SYNJ2BP: variants seen among roughly 807,000 people sequenced by gnomAD.
The protein encoded by SYNJ2BP is synaptojanin-2-binding protein.
SYNJ2BP carries 10 observed loss-of-function variants against 16.9 expected under a neutral mutation model. That is an observed-to-expected ratio of 0.59 (90% CI 0.36 to 1.00). SYNJ2BP has a LOEUF of 1.00. Among genes scored for constraint, SYNJ2BP ranks in the 50% least tolerant of loss-of-function variants. The pLI, the probability that SYNJ2BP is intolerant of heterozygous loss-of-function variation, is 0.01. For synonymous variants in SYNJ2BP, 54 were observed against 68.4 expected (o/e 0.79, Z 1.04); for missense variants, 162 against 186.7 (o/e 0.87, Z 0.77).
intron 1 of SYNJ2BP, among the ~76,000 whole-genome samples, chr14:70,395,481 C>T (rs1188512435): frequency 1.3e-5 from 2 of 150,194 alleles, no homozygotes; most frequent in Admixed American, 6.6e-5. Flanking sequence ...TACACAACCC[C>T]CCTGTCTGTC....
chr14:70,378,403 T>G (rs926306974), intron 2 of SYNJ2BP, among the ~76,000 whole-genome samples: 2 of 151,780 alleles, frequency 1.3e-5, no homozygotes, highest in African/African-American at 4.8e-5. Context: ...TGCTTCTTAT[T>G]GCCACTATCA....
Position 70,367,559 on chromosome 14 carries a change from C to T in SYNJ2BP, c.*5432G>A. ...CCTAGGCGACAGAGCAAGACTCCGT[C>T]TCAAAAAAAAAAAAAAAAAAAAAAA... On this transcript the variant is annotated 3_prime_UTR_variant, in exon 4 of 4. Transcript: ENST00000256366. 1 of 61,182 alleles carries T rather than the reference C, an allele frequency of 1.6e-5. No individual in the cohort carries two copies. The highest frequency in any genetic ancestry group is 9.6e-5 in the African/African-American group (1 of 10,438). 3.8% of individuals were successfully genotyped at this position (61,182 alleles called of 1,614,324 possible). A position where few individuals can be genotyped will look rare whatever the true frequency, so the allele number is the denominator to read the frequency against.
chr14:70,401,427 A>G lies in SYNJ2BP; in HGVS notation c.65-12821T>C, dbSNP rs189633969. 2.2e-3 allele frequency among the ~76,000 whole-genome samples: 337 copies of G among 152,088 alleles called. 1 individual carries two copies. Among genetic ancestry groups the G allele is most frequent in the Admixed American group, 3.7e-3 (57 of 15,268 alleles). ...CCTGGGCAATGTATTTTTTTTTAAT[A>G]AAAGAAAAAAAGCTTAATTAAAAGT... On this transcript the variant is annotated intron_variant, in intron 1 of 3. Coordinates refer to ENST00000256366, the MANE Select transcript of SYNJ2BP (RefSeq NM_018373.3).
In SYNJ2BP at chr14:70,385,433, T is replaced by C. The variant is rs111876674; in HGVS notation, c.201+3037A>G. Reference sequence around the variant, plus strand: ...GTGCGCTGGCATGATCTCAGCTCACTGCAACCTCTGCCTCCCAGGTTCAAG... The same window carrying C: ...GTGCGCTGGCATGATCTCAGCTCACCGCAACCTCTGCCTCCCAGGTTCAAG... On this transcript the variant is annotated intron_variant, in intron 2 of 3. Transcript: ENST00000256366. Among the ~76,000 whole-genome samples the C allele has an allele frequency of 5.6e-3, 847 of 152,352 alleles. 7 individuals are homozygous for C. Among genetic ancestry groups the C allele is most frequent in the African/African-American group, 0.019 (807 of 41,582 alleles).
chr14:70,382,667 A>G (rs567417225), intron 2 of SYNJ2BP, among the ~76,000 whole-genome samples: 2 of 152,354 alleles, frequency 1.3e-5, no homozygotes, highest in South Asian at 4.1e-4. Context: ...TTAACTCATG[A>G]CATAATAAGG....
At position 70,369,751 on chromosome 14, in the gene SYNJ2BP, C is replaced by G. The variant is rs1395138082; in HGVS notation, c.*3240G>C. 1 of 152,138 alleles carries G rather than the reference C, an allele frequency of 6.6e-6. No individual in the cohort carries two copies. The highest frequency in any genetic ancestry group is 1.5e-5 in the Non-Finnish European group (1 of 68,026). The allele number at this position is 152,138 out of a possible 1,614,324, so 9.4% of individuals were successfully genotyped here. The stretch of plus-strand genomic sequence containing the variant: ...TAAATCGATAACACATAAGTTGAAA[C>G]TTCACAGGAAAACAAAGTACAGCTA... On this transcript the variant is annotated 3_prime_UTR_variant, in exon 4 of 4. Coordinates refer to ENST00000256366, the MANE Select transcript of SYNJ2BP (RefSeq NM_018373.3).
intron 1 of SYNJ2BP, among the ~76,000 whole-genome samples, chr14:70,409,803 T>C (rs1041605563): frequency 7.9e-5 from 12 of 152,164 alleles, no homozygotes; most frequent in Non-Finnish European, 1.8e-4. Context: ...ATGTTACTGC[T>C]TCTCTTTATT....
In SYNJ2BP at chr14:70,368,471, T is replaced by C. The variant is rs1179933581; in HGVS notation, c.*4520A>G. On this transcript the variant is annotated 3_prime_UTR_variant, in exon 4 of 4. Coordinates refer to ENST00000256366, the MANE Select transcript of SYNJ2BP (RefSeq NM_018373.3). ...GTTAGCTTCCCTCTCTGAGCCTTTA[T>C]TTTTCTCATCTCTAAGACAGATTCA... is the stretch of plus-strand genomic sequence containing the variant. The C allele has an allele frequency of 2.0e-5, 3 of 152,222 alleles. No homozygotes were observed. Among genetic ancestry groups the C allele is most frequent in the Admixed American group, 2.0e-4 (3 of 15,286 alleles). 9.4% of individuals were successfully genotyped at this position (152,222 alleles called of 1,614,324 possible). A position where few individuals can be genotyped will look rare whatever the true frequency, so the allele number is the denominator to read the frequency against.
intron 1 of SYNJ2BP, among the ~76,000 whole-genome samples, chr14:70,412,078 T>C (rs1479203345): frequency 6.6e-6 from 1 of 152,222 alleles, no homozygotes; most frequent in East Asian, 1.9e-4. Context: ...AAGGCTTAAA[T>C]GATAGAACTT....
chr14:70,405,941 C>G lies in SYNJ2BP; in HGVS notation c.64+10959G>C, dbSNP rs570395942. ...AAAGGTCTTTGCTTTCAATTATCAC[C>G]TTGACTTAATTAATGACTATTATTT... is the stretch of plus-strand genomic sequence containing the variant. On this transcript the variant is annotated intron_variant, in intron 1 of 3. Coordinates refer to ENST00000256366, the MANE Select transcript of SYNJ2BP (RefSeq NM_018373.3). Among the ~76,000 whole-genome samples, 19 of 152,276 alleles carry G rather than the reference C, an allele frequency of 1.2e-4. No individual in the cohort carries two copies. The South Asian group carries it at 3.9e-3, about 32-fold the overall frequency.
Position 70,369,663 on chromosome 14 carries a change from G to A in SYNJ2BP, c.*3328C>T, listed in dbSNP as rs1158244866. ...AGAGTTTGGTACAGTCCCTGGCATA[G>A]AACACAATAACAAATATTAACTTCC... On this transcript the variant is annotated 3_prime_UTR_variant, in exon 4 of 4. Transcript: ENST00000256366. The A allele has an allele frequency of 1.3e-5, 2 of 152,120 alleles. No homozygotes were observed. The highest frequency in any genetic ancestry group is 2.9e-5 in the Non-Finnish European group (2 of 68,002). 9.4% of individuals were successfully genotyped at this position (152,120 alleles called of 1,614,324 possible).
chr14:70,416,427 GA>G (rs944541208), intron 1 of SYNJ2BP, among the ~76,000 whole-genome samples: 1 of 150,446 alleles, frequency 6.6e-6, no homozygotes, highest in African/African-American at 2.4e-5. Flanking sequence ...CATTCTAGTT[GA>G]CATTGTAAAT....
chr14:70,384,447 T>C (rs1156642017), intron 2 of SYNJ2BP, among the ~76,000 whole-genome samples: 3 of 151,792 alleles, frequency 2.0e-5, no homozygotes, highest in East Asian at 3.9e-4. Context: ...TTCATAGTTA[T>C]GGCCTAGAAG....
At position 70,375,197 on chromosome 14, in the gene SYNJ2BP, CTTTTTTTCT is replaced by C. The variant is rs1180021966; in HGVS notation, c.297+470_297+478del. On this transcript the variant is annotated intron_variant, in intron 3 of 3. Transcript: ENST00000256366. ...TGTTGTGAATTTCTCTTTTTTTTCT[CTTTTTTTCT>C]TTTTTTTTTTTTTGAGACAGGGTCT... 4.1e-4 allele frequency among the ~76,000 whole-genome samples: 47 copies of C among 115,742 alleles called. 1 individual carries two copies. Among genetic ancestry groups the C allele is most frequent in the African/African-American group, 1.5e-3 (41 of 28,102 alleles). 75.9% of individuals were successfully genotyped at this position (115,742 alleles called of 152,430 possible).
intron 1 of SYNJ2BP, among the ~76,000 whole-genome samples, chr14:70,394,508 G>C (rs1231170330): frequency 1.3e-5 from 2 of 149,342 alleles, no homozygotes; most frequent in Non-Finnish European, 3.0e-5. Flanking sequence ...GTGAGCTCTG[G>C]TTATAATGTG....
In SYNJ2BP at chr14:70,384,889, G is replaced by A. The variant is rs144259729; in HGVS notation, c.201+3581C>T. On this transcript the variant is annotated intron_variant, in intron 2 of 3. Coordinates refer to ENST00000256366, the MANE Select transcript of SYNJ2BP (RefSeq NM_018373.3). ...TTCTTTATAAATTACCCAGTCTCAC[G>A]TAGTATCTTTATAGCAGTGTGAAAA... is the stretch of plus-strand genomic sequence containing the variant. Among the ~76,000 whole-genome samples, 45 of 152,176 alleles carry A rather than the reference G, an allele frequency of 3.0e-4. 1 individual carries two copies. The highest frequency in any genetic ancestry group is 9.4e-4 in the African/African-American group (39 of 41,518).
intron 1 of SYNJ2BP, 34 bp downstream of exon 1, chr14:70,416,866 C>T: frequency 6.2e-7 from 1 of 1,613,898 alleles, no homozygotes; most frequent in Non-Finnish European, 8.5e-7. Context: ...CCCTCTAATC[C>T]CCTACTGTCA....
intron 1 of SYNJ2BP, among the ~76,000 whole-genome samples, chr14:70,400,955 A>G (rs531739770): frequency 1.3e-5 from 2 of 152,346 alleles, no homozygotes; most frequent in African/African-American, 2.4e-5. Context: ...GAAGCAGTTT[A>G]TGACTTTTGA....
At chr14:70,403,443 C>T (rs1888282937) in intron 1 of SYNJ2BP, among the ~76,000 whole-genome samples, 1 of 152,076 alleles carries the variant, frequency 6.6e-6, no homozygotes. Flanking sequence ...TTAGTCATGG[C>T]GTGAAAAAGA....
Sources: gnomAD v4.1 joint callset for allele counts (sites outside exome capture counted in the v4.1 genomes callset) on GRCh38, gnomAD v4.1.1 for gene constraint, MANE v1.5 for transcripts, NCBI Gene and HGNC (gene_info 2026-07-23, HGNC 2026-07-21) for gene names.